Variants in TNRC18 observed in about 807,000 individuals in gnomAD.
The protein encoded by TNRC18 is trinucleotide repeat-containing gene 18 protein.
TNRC18 carries 69 observed loss-of-function variants against 226.7 expected under a neutral mutation model. That is an observed-to-expected ratio of 0.30 (90% CI 0.25 to 0.37). The LOEUF is 0.37. TNRC18 is among the 10% of genes least tolerant of loss of function. The pLI is 1.00. For synonymous variants in TNRC18, 2,449 were observed against 1,927.6 expected, an observed-to-expected ratio of 1.27 and a Z score of -7.09; for missense variants, 4,754 against 4,256.6, an observed-to-expected ratio of 1.12 and a Z score of -3.25.
chr7:5,393,498 A>G (rs1780446952), intron 3 of TNRC18, among the ~76,000 whole-genome samples: 1 of 152,208 alleles, frequency 6.6e-6, no homozygotes, highest in Non-Finnish European at 1.5e-5. Context: ...CTGGCCCCGC[A>G]GGAGGAAGTG....
chr7:5,376,277 T>C (rs1281244081), intron 8 of TNRC18, 53 bp from the exon 9 acceptor site: 2 of 1,364,942 alleles, frequency 1.5e-6, no homozygotes, highest in Admixed American at 3.0e-5. Context: ...TCCACCACCA[T>C]GCCCATTACG....
intron 2 of TNRC18, among the ~76,000 whole-genome samples, chr7:5,417,070 G>A (rs1782238043): frequency 6.6e-6 from 1 of 151,704 alleles, no homozygotes; most frequent in Admixed American, 6.6e-5. Flanking sequence ...GGCCAAGGCA[G>A]GAGGAGGCCA....
At position 5,394,743 on chromosome 7, in the gene TNRC18, C is replaced by CCTGCTCCGGCCCCACCCCTGGG; in HGVS notation, c.188-170_188-149dup. The CCTGCTCCGGCCCCACCCCTGGG allele has an allele frequency of 1.5e-6, 1 of 646,962 alleles. No individual in the cohort carries two copies. The highest frequency in any genetic ancestry group is 4.1e-4 in the Middle Eastern group (1 of 2,462). 40.1% of individuals were successfully genotyped at this position (646,962 alleles called of 1,614,324 possible). On this transcript the variant is annotated intron_variant, in intron 2 of 29. Coordinates refer to ENST00000430969, the MANE Select transcript of TNRC18 (RefSeq NM_001080495.3). This position sits in a 1 kb window ranked among gnomAD's most constrained non-coding sequence, Gnocchi z 4.5. ...TGGCCAGGAGACCAAAGAGGGTTCC[C>CCTGCTCCGGCCCCACCCCTGGG]CTGCTCCGGCCCCACCCCTGGGCTG...
chr7:5,318,710 T>C (rs1432448253), intron 24 of TNRC18, among the ~76,000 whole-genome samples: 1 of 152,190 alleles, frequency 6.6e-6, no homozygotes, highest in Admixed American at 6.5e-5. Context: ...GGAATCACAA[T>C]GTTGAATGTC....
At position 5,370,390 on chromosome 7, in the gene TNRC18, T is replaced by G. The variant is rs776608035; in HGVS notation, c.4204A>C (p.Ser1402Arg). ...EIAELELERR[S>R]QEMGGAERAL... The stretch of plus-strand genomic sequence containing the variant: ...GCACTCTCACCTCCCATCTCTTGGC[T>G]CCTCCTCTCCAGCTCCAGCTCTGCG... Residue 1402 changes from serine (S) to arginine (R), a missense_variant, in exon 11 of 30, where the codon AGC becomes CGC. Physicochemically the swap from Ser to Arg is moderately radical, Grantham distance 110. Transcript: ENST00000430969. 1 of 1,546,906 alleles carries G rather than the reference T, an allele frequency of 6.5e-7. No homozygotes were observed. The highest frequency in any genetic ancestry group is 1.2e-5 in the South Asian group (1 of 84,030).
intron 2 of TNRC18, among the ~76,000 whole-genome samples, chr7:5,398,463 C>A (rs111333216): frequency 0.017 from 2,528 of 151,814 alleles, 84 homozygotes; most frequent in African/African-American, 0.058. Flanking sequence ...AGCCACCGTG[C>A]CTGGCCACCC....
Position 5,362,040 on chromosome 7 carries a change from G to A in TNRC18, c.4396-7C>T, listed in dbSNP as rs1047437243. 5 of 1,611,666 alleles carry A rather than the reference G, an allele frequency of 3.1e-6. No individual in the cohort carries two copies. In the African/African-American group the frequency reaches 4.0e-5, roughly 13 times the overall value. On this transcript the variant is annotated splice_region_variant and splice_polypyrimidine_tract_variant and intron_variant, in intron 12 of 29. Transcript: ENST00000430969. ...AGGACTTCATGGCATACATCTGGGG[G>A]AAGAACCGGGAGAGGAGGAGGGGGT...
In TNRC18 at chr7:5,308,848, C is replaced by T. The variant is rs376830227; in HGVS notation, c.8700+27G>A. The T allele has an allele frequency of 2.3e-5, 31 of 1,376,910 alleles. 2 individuals are homozygous for T. Among genetic ancestry groups the T allele is most frequent in the African/African-American group, 1.9e-4 (13 of 69,062 alleles). 85.3% of individuals were successfully genotyped at this position (1,376,910 alleles called of 1,614,324 possible). ...GAAGGAAGCAGCCATCCCCAACCCG[C>T]CCACCACCACCACCACCACCACCTA... On this transcript the variant is annotated intron_variant, in intron 29 of 29. Coordinates refer to ENST00000430969, the MANE Select transcript of TNRC18 (RefSeq NM_001080495.3).
intron 2 of TNRC18, among the ~76,000 whole-genome samples, chr7:5,402,308 C>G (rs1781161428): frequency 6.6e-6 from 1 of 151,414 alleles, no homozygotes; most frequent in East Asian, 1.9e-4. Flanking sequence ...CCAAGGCAGG[C>G]AGATCACTTG....
At chr7:5,373,976 G>C in intron 10 of TNRC18, 79 bp downstream of exon 10, 1 of 1,169,954 alleles carries the variant, frequency 8.5e-7, no homozygotes, top group Non-Finnish European at 1.2e-6. Context: ...ACGATCGAAC[G>C]GGTCAATGAA....
intron 5 of TNRC18, among the ~76,000 whole-genome samples, chr7:5,384,202 G>C (rs1022214260): frequency 1.3e-5 from 2 of 151,972 alleles, no homozygotes; most frequent in African/African-American, 4.8e-5. Context: ...TCCTGACCTC[G>C]GGTGATCCAC....
At chr7:5,314,122 G>T (rs1787597387) in intron 26 of TNRC18, among the ~76,000 whole-genome samples, 1 of 151,520 alleles carries the variant, frequency 6.6e-6, no homozygotes, top group Non-Finnish European at 1.5e-5. Context: ...ACTATGCCTG[G>T]GGAATTTTTT....
At chr7:5,412,244 G>GAAAA (rs55864404) in intron 2 of TNRC18, among the ~76,000 whole-genome samples, 4 of 71,798 alleles carry the variant, frequency 5.6e-5, no homozygotes, top group Non-Finnish European at 1.2e-4. Flanking sequence ...AATTCCAAAT[G>GAAAA]AAAAAAAAAA....
In TNRC18 at chr7:5,313,968, T is replaced by C. The variant is rs183369811; in HGVS notation, c.7028-105A>G. 1.2e-4 allele frequency: 154 copies of C among 1,262,370 alleles called. 1 individual carries two copies. In the East Asian group the frequency reaches 3.5e-3, roughly 28 times the overall value. 78.2% of individuals were successfully genotyped at this position (1,262,370 alleles called of 1,614,324 possible). ...CTTCTGTGAGTTTTGTTTTTGTTTT[T>C]GTTTTTTTTTTGAGATGGGGTCTCA... On this transcript the variant is annotated intron_variant, in intron 26 of 29. Coordinates refer to ENST00000430969, the MANE Select transcript of TNRC18 (RefSeq NM_001080495.3).
rs1303255427 is a variant in TNRC18 at position 5,388,573 on chromosome 7, CG to C, written c.1250del (p.Pro417ArgfsTer173). ...GGCCCTCGGGCCGGTCCAGAGGCCG[CG>C]GGGAGCCGGGGGGCGCCTGCAGGAC... The part of the protein sequence containing the change: ...PGVLQAPPGS[P>X]RPLDRPEGLR... On this transcript the variant is annotated frameshift_variant, in exon 5 of 30. Coordinates refer to ENST00000430969, the MANE Select transcript of TNRC18 (RefSeq NM_001080495.3). LOFTEE classifies it high-confidence loss of function. The C allele has an allele frequency of 1.5e-6, 2 of 1,301,576 alleles. No homozygotes were observed. Among genetic ancestry groups the C allele is most frequent in the South Asian group, 3.7e-5 (2 of 53,804 alleles). The allele number at this position is 1,301,576 out of a possible 1,614,324, so 80.6% of individuals were successfully genotyped here. A position where few individuals can be genotyped will look rare whatever the true frequency, so the allele number is the denominator to read the frequency against.
At chr7:5,416,039 G>A (rs916405860) in intron 2 of TNRC18, among the ~76,000 whole-genome samples, 1 of 151,350 alleles carries the variant, frequency 6.6e-6, no homozygotes, top group East Asian at 2.0e-4. Context: ...TTGAACCCAG[G>A]AGGTGGAGGT....
rs747783590 is a variant in TNRC18, at chr7:5,377,902, G to A, written c.2255+20C>T. ...CTCCTAGATACCCCCTAGACCCTCA[G>A]GATCCCCCGACACCCTCACCTGAGC... On this transcript the variant is annotated intron_variant, in intron 6 of 29. Transcript: ENST00000430969. The surrounding 1 kb of genome is among the most constrained non-coding windows in gnomAD (Gnocchi z 5.8). 6.2e-7 allele frequency: 1 copy of A among 1,612,008 alleles called. No individual in the cohort carries two copies. Among genetic ancestry groups the A allele is most frequent in the Non-Finnish European group, 8.5e-7 (1 of 1,178,542 alleles).
Position 5,313,746 on chromosome 7 carries a change from T to C in TNRC18, c.7145A>G (p.Lys2382Arg). Residue 2382 changes from lysine to arginine, a missense_variant, in exon 27 of 30, where the codon AAG becomes AGG. Transcript: ENST00000430969. ...GCGCGCCTTGGGGGCCTTGGCTCGC[T>C]TGTCCACAGGCTCTGGGGGGCTCTT... is the stretch of plus-strand genomic sequence containing the variant. ...SKKSPPEPVD[K>R]RAKAPKARPA... The C allele has an allele frequency of 1.3e-6, 2 of 1,570,830 alleles. No individual in the cohort carries two copies. The highest frequency in any genetic ancestry group is 1.2e-5 in the South Asian group (1 of 83,544).
intron 21 of TNRC18, among the ~76,000 whole-genome samples, chr7:5,322,234 C>T (rs1398110719): frequency 3.9e-5 from 6 of 151,954 alleles, no homozygotes; most frequent in South Asian, 2.1e-4. Context: ...GCCGAGATCA[C>T]GCCACTGCAC....
Sources: gnomAD v4.1 joint callset for allele counts (sites outside exome capture counted in the v4.1 genomes callset) on GRCh38, gnomAD v4.1.1 for gene constraint, Gnocchi (gnomAD v3.1) non-coding constraint, MANE v1.5 for transcripts, NCBI Gene and HGNC (gene_info 2026-07-23, HGNC 2026-07-21) for gene names.